The following IL7 variants were observed in gnomAD, a reference collection of about 807,000 sequenced individuals.
IL7 encodes interleukin 7, also known as interleukin-7.
IL7 carries 3 observed loss-of-function variants against 21.6 expected under a neutral mutation model. The ratio of observed to expected loss-of-function variants is 0.14; its 90% confidence interval spans 0.06 to 0.36. IL7 has a LOEUF of 0.36. IL7 is among the 10% of genes least tolerant of loss of function. The probability of loss-of-function intolerance (pLI) is 1.00; values close to 1 mark genes in which losing one functional copy is unlikely to be tolerated. For missense variants in IL7, 175 were observed against 200.2 expected, an observed-to-expected ratio of 0.87 and a Z score of 0.76; for synonymous variants, 62 against 68.1, an observed-to-expected ratio of 0.91 and a Z score of 0.44.
intron 2 of IL7, among the ~76,000 whole-genome samples, chr8:78,754,316 A>G (rs1373392582): frequency 1.3e-5 from 2 of 152,150 alleles, no homozygotes; most frequent in African/African-American, 4.8e-5. Context: ...TAAAATAACT[A>G]GGAATACAAC....
intron 3 of IL7, among the ~76,000 whole-genome samples, chr8:78,696,970 T>C (rs1281418590): frequency 6.6e-6 from 1 of 152,226 alleles, no homozygotes; most frequent in Non-Finnish European, 1.5e-5. Flanking sequence ...TAGACCTTTT[T>C]TTCTTTTTCC....
chr8:78,803,139 G>A (rs17414706), intron 1 of IL7, among the ~76,000 whole-genome samples: 15,530 of 152,030 alleles, frequency 0.1, 852 homozygotes, highest in Middle Eastern at 0.14. Context: ...TCTCCTTTAT[G>A]CTTGTTCAGG....
intron 3 of IL7, among the ~76,000 whole-genome samples, chr8:78,711,141 C>A (rs1341321318): frequency 6.6e-6 from 1 of 152,100 alleles, no homozygotes; most frequent in Non-Finnish European, 1.5e-5. Context: ...TTAAAAAGAA[C>A]AGACTTTTAA....
chr8:78,738,757 T>C, intron 3 of IL7, 122 bp from the exon 4 acceptor site: 1 of 773,984 alleles, frequency 1.3e-6, no homozygotes, highest in Non-Finnish European at 2.0e-6. Flanking sequence ...CCACCCCAGC[T>C]TTCTATTCCA....
chr8:78,783,460 T>C lies in IL7; in HGVS notation c.147+14612A>G, dbSNP rs190313239. Among the ~76,000 whole-genome samples the C allele has an allele frequency of 3.2e-4, 48 of 152,098 alleles. 1 individual carries two copies. Among genetic ancestry groups the C allele is most frequent in the African/African-American group, 1.0e-3 (43 of 41,464 alleles). ...AATGAGAGAACCTGGATACCTTAGTTGCCAGCACAGGATTCACTTGCTGTT... is the reference window on the plus strand; with the variant it reads ...AATGAGAGAACCTGGATACCTTAGTCGCCAGCACAGGATTCACTTGCTGTT... On this transcript the variant is annotated intron_variant, in intron 2 of 5. Coordinates refer to ENST00000263851, the MANE Select transcript of IL7 (RefSeq NM_000880.4).
intron 2 of IL7, chr8:78,762,385 T>G: frequency 1.9e-6 from 3 of 1,612,224 alleles, no homozygotes; most frequent in Non-Finnish European, 2.5e-6. Flanking sequence ...CAAGTCGGAC[T>G]GCGTGCTCTT....
At chr8:78,679,882 A>C (rs1406955284) in intron 4 of IL7, among the ~76,000 whole-genome samples, 7 of 152,316 alleles carry the variant, frequency 4.6e-5, no homozygotes, top group Non-Finnish European at 8.8e-5. Flanking sequence ...ATAAATCAAT[A>C]TATGACGTTT....
chr8:78,695,554 G>C (rs1177912077), intron 3 of IL7, among the ~76,000 whole-genome samples: 1 of 151,982 alleles, frequency 6.6e-6, no homozygotes, highest in Non-Finnish European at 1.5e-5. Context: ...TATTAACTCT[G>C]TTTTTATAGA....
intron 3 of IL7, among the ~76,000 whole-genome samples, chr8:78,739,794 A>G (rs538385980): frequency 4.6e-5 from 7 of 151,432 alleles, no homozygotes; most frequent in African/African-American, 1.7e-4. Context: ...AGAATGGTGA[A>G]ACAAAAAAAA....
chr8:78,731,123 G>T (rs944919703), downstream of IL7, among the ~76,000 whole-genome samples: 2 of 151,970 alleles, frequency 1.3e-5, no homozygotes, highest in Non-Finnish European at 2.9e-5. Context: ...TCCTTCTTAA[G>T]TTGGCTGTCA....
chr8:78,785,493 G>T (rs1445765897), intron 2 of IL7, among the ~76,000 whole-genome samples: 1 of 151,878 alleles, frequency 6.6e-6, no homozygotes, highest in Non-Finnish European at 1.5e-5. Context: ...GCATAATTTT[G>T]GATTTCAATG....
intron 4 of IL7, among the ~76,000 whole-genome samples, chr8:78,682,680 A>T (rs897000325): frequency 6.6e-6 from 1 of 152,068 alleles, no homozygotes; most frequent in Non-Finnish European, 1.5e-5. Context: ...CCACTCCCAA[A>T]TTTCATGCCC....
chr8:78,736,511 G>A lies in IL7; in HGVS notation c.377C>T (p.Pro126Leu). Residue 126 changes from proline (P) to leucine (L), a missense_variant, in exon 5 of 6, where the codon CCA becomes CTA. Transcript: ENST00000263851. ...NCTGQVKGRK[P>L]AALGEAQPTK... ...TGGTTGGGCTTCACCCAGGGCAGCT[G>A]GTTTTCTTCCTTTAACCTTAAAAAC... The A allele has an allele frequency of 1.3e-6, 2 of 1,599,840 alleles. No individual in the cohort carries two copies. The highest frequency in any genetic ancestry group is 1.7e-6 in the Non-Finnish European group (2 of 1,170,366).
chr8:78,676,501 T>C (rs1235202218), intron 4 of IL7, among the ~76,000 whole-genome samples: 1 of 152,042 alleles, frequency 6.6e-6, no homozygotes, highest in East Asian at 1.9e-4. Context: ...ATTATGCCTA[T>C]GTACCTTACG....
At chr8:78,804,462 C>T (rs1318215704) in intron 1 of IL7, among the ~76,000 whole-genome samples, 3 of 152,158 alleles carry the variant, frequency 2.0e-5, no homozygotes, top group African/African-American at 7.2e-5. Context: ...CCCGTGGGAG[C>T]TTCGCTTTCA....
chr8:78,711,855 T>G (rs1379519650), intron 3 of IL7: 6 of 438,556 alleles, frequency 1.4e-5, no homozygotes, highest in African/African-American at 1.2e-4. Flanking sequence ...CATTAGTTCT[T>G]ACCTTGACAG....
At chr8:78,780,337 A>G (rs1042153728) in intron 2 of IL7, among the ~76,000 whole-genome samples, 58 of 152,142 alleles carry the variant, frequency 3.8e-4, no homozygotes, top group Non-Finnish European at 4.4e-4. Flanking sequence ...TGTTGACTAG[A>G]GATCTTTCTA....
chr8:78,703,016 C>A (rs13265322), intron 3 of IL7, among the ~76,000 whole-genome samples: 98,439 of 151,836 alleles, frequency 0.65, 33,758 homozygotes, highest in East Asian at 0.9. Flanking sequence ...CCTGCCTCAG[C>A]CTCTCGAGCA....
chr8:78,708,743 C>T (rs371359899), intron 3 of IL7, among the ~76,000 whole-genome samples: 70 of 146,398 alleles, frequency 4.8e-4, no homozygotes, highest in Middle Eastern at 7.3e-3. Flanking sequence ...TGCAATGGTG[C>T]GATCTTGGCT....
Sources: allele counts gnomAD v4.1 joint callset (sites outside exome capture counted in the v4.1 genomes callset), GRCh38; gene constraint gnomAD v4.1.1; transcripts MANE v1.5; gene names NCBI Gene and HGNC (gene_info 2026-07-23, HGNC 2026-07-21).